PPAN: variants seen among roughly 807,000 people sequenced by gnomAD.
PPAN encodes the protein suppressor of SWI4 1 homolog.
In PPAN, 39 loss-of-function variants were observed where a neutral mutation model predicts 48.5. The ratio of observed to expected loss-of-function variants is 0.80; its 90% CI spans 0.62 to 1.05. The LOEUF is 1.05. Ranked by LOEUF, PPAN falls within the 50% of genes least tolerant of loss-of-function variation. PPAN has a pLI of 0.00. For missense variants in PPAN, 736 were observed against 661.7 expected (o/e 1.11, Z -1.23); for synonymous variants, 315 against 268.6 (o/e 1.17, Z -1.69).
In PPAN at chr19:10,111,751, G is replaced by C. The variant is rs745521820; in HGVS notation, c.*586G>C. ...CAGCCAACGTCTCGGGTAAGGAGAAGGCATGTTGGCTGTCTCTGGGGGTCT... is the reference window on the plus strand; with the variant it reads ...CAGCCAACGTCTCGGGTAAGGAGAACGCATGTTGGCTGTCTCTGGGGGTCT... On this transcript the variant is annotated 3_prime_UTR_variant, in exon 12 of 12. Transcript: ENST00000253107. 47 of 1,613,492 alleles carry C rather than the reference G, an allele frequency of 2.9e-5. No homozygotes were observed. The highest frequency in any genetic ancestry group is 3.7e-5 in the Non-Finnish European group (44 of 1,179,800).
Position 10,110,060 on chromosome 19 carries a change from G to T in PPAN, c.698+40G>T. ...GGGCGGGAGGCCACTGCGGCCCGGG[G>T]ACCCCAGAACAGGACCGGGAGCCTG... On this transcript the variant is annotated intron_variant, in intron 7 of 11. Transcript: ENST00000253107. This position sits in a 1 kb window ranked among gnomAD's most constrained non-coding sequence, Gnocchi z 5.9. The T allele has an allele frequency of 6.2e-7, 1 of 1,611,496 alleles. No individual in the cohort carries two copies.
chr19:10,108,607 C>T (rs1443802430), intron 5 of PPAN, among the ~76,000 whole-genome samples: 1 of 151,994 alleles, frequency 6.6e-6, no homozygotes, highest in East Asian at 1.9e-4. Context: ...TTTTAAAAAG[C>T]CCGGTGTGGC....
chr19:10,111,879 AG>A lies in PPAN; in HGVS notation c.*720del. ...GTAATCCCAGCACTTTGGGAGGTCG[AG>A]GGGGGTGGAACACGAGGTCAGGGGT... On this transcript the variant is annotated 3_prime_UTR_variant, in exon 12 of 12. Transcript: ENST00000253107. 5 of 966,804 alleles carry A rather than the reference AG, an allele frequency of 5.2e-6. No homozygotes were observed. Among genetic ancestry groups the A allele is most frequent in the Admixed American group, 2.1e-5 (1 of 48,528 alleles). The allele number at this position is 966,804 out of a possible 1,614,324, so 59.9% of individuals were successfully genotyped here.
In PPAN at chr19:10,111,469, T is replaced by C. The variant is rs991286852; in HGVS notation, c.*304T>C. 6.5e-6 allele frequency: 4 copies of C among 618,376 alleles called. No homozygotes were observed. Among genetic ancestry groups the C allele is most frequent in the South Asian group, 2.0e-5 (1 of 51,144 alleles). The allele number at this position is 618,376 out of a possible 1,614,324, so 38.3% of individuals were successfully genotyped here. On this transcript the variant is annotated 3_prime_UTR_variant, in exon 12 of 12. Transcript: ENST00000253107. ...CATTGGTGGCAGCAGCAGCCATGAGTGGCCCCTCCCCCCAGTCCCACCAAA... is the reference window on the plus strand; with the variant it reads ...CATTGGTGGCAGCAGCAGCCATGAGCGGCCCCTCCCCCCAGTCCCACCAAA...
chr19:10,111,227 C>A lies in PPAN; in HGVS notation c.*62C>A. ...CCCCAGATTGGGGCCCGAGATGTGG[C>A]CCTCGGTTTCCTTTCATAAAGGAGT... On this transcript the variant is annotated 3_prime_UTR_variant, in exon 12 of 12. Coordinates refer to ENST00000253107, the MANE Select transcript of PPAN (RefSeq NM_020230.7). 1 of 1,440,486 alleles carries A rather than the reference C, an allele frequency of 6.9e-7. No individual in the cohort carries two copies. The highest frequency in any genetic ancestry group is 1.4e-5 in the South Asian group (1 of 71,494). 89.2% of individuals were successfully genotyped at this position (1,440,486 alleles called of 1,614,324 possible).
intron 2 of PPAN, 125 bp downstream of exon 2, chr19:10,106,796 A>G (rs1199393157): frequency 1.2e-5 from 16 of 1,369,306 alleles, no homozygotes; most frequent in Non-Finnish European, 1.4e-5. Context: ...AAAGACCCTC[A>G]TGGGGAGCAT....
chr19:10,106,399 GAC>G lies in PPAN; in HGVS notation c.7_8del (p.Gln3ValfsTer63), dbSNP rs1460089789. ...CCTCGTGGAGGACACAGCAGCATGG[GAC>G]AGTCAGGGAGGGTAAGGCCCGGCAG... is the stretch of plus-strand genomic sequence containing the variant. On this transcript the variant is annotated frameshift_variant, in exon 1 of 12. Coordinates refer to ENST00000253107, the MANE Select transcript of PPAN (RefSeq NM_020230.7). LOFTEE classifies it high-confidence loss of function. 6.5e-7 allele frequency: 1 copy of G among 1,549,750 alleles called. No homozygotes were observed. The highest frequency in any genetic ancestry group is 8.7e-7 in the Non-Finnish European group (1 of 1,145,932).
In PPAN at chr19:10,111,054, C is replaced by T. The variant is rs2145210995; in HGVS notation, c.1311C>T (p.Pro437=). Residue 437 remains proline, a synonymous_variant, in exon 12 of 12, where the codon CCC becomes CCT. Transcript: ENST00000253107. ...GRGRLCDQKF[P]KTKDKSQGAQ... is the part of the protein sequence containing the mutation. ...GTCGCCTTTGTGACCAGAAGTTTCC[C>T]AAGACCAAGGACAAGTCCCAGGGAG... 4 of 1,613,632 alleles carry T rather than the reference C, an allele frequency of 2.5e-6. No homozygotes were observed. Among genetic ancestry groups the T allele is most frequent in the Non-Finnish European group, 3.4e-6 (4 of 1,179,942 alleles).
chr19:10,106,515 G>A lies in PPAN; in HGVS notation c.33G>A (p.Lys11=). Residue 11 remains lysine (K), a synonymous_variant, in exon 2 of 12, where the codon AAG becomes AAA. Coordinates refer to ENST00000253107, the MANE Select transcript of PPAN (RefSeq NM_020230.7). MGQSGRSRHQ[K]RARAQAQLRN... Reference sequence around the variant, plus strand: ...CGTCGCCGCAGTCCCGGCACCAGAAGCGCGCCCGCGCCCAGGCGCAGCTCC... The same window carrying A: ...CGTCGCCGCAGTCCCGGCACCAGAAACGCGCCCGCGCCCAGGCGCAGCTCC... 5.2e-6 allele frequency: 8 copies of A among 1,552,078 alleles called. No individual in the cohort carries two copies. The highest frequency in any genetic ancestry group is 1.2e-5 in the South Asian group (1 of 84,164).
intron 6 of PPAN, 71 bp downstream of exon 6, chr19:10,109,778 A>C: frequency 6.3e-7 from 1 of 1,588,340 alleles, no homozygotes. Context: ...TGATGACAGC[A>C]CTTCTGCTGA....
upstream of PPAN, chr19:10,106,276 ACC>A: frequency 6.7e-7 from 1 of 1,492,834 alleles, no homozygotes; most frequent in Non-Finnish European, 9.0e-7. Context: ...CCCAGAGGCC[ACC>A]TAGTGCGCAG....
rs753986549 is a variant in PPAN at position 10,106,377 on chromosome 19, C to T, written c.-18C>T. ...CGGAAGCGGCGGACGCAGGAGGCCTCGTGGAGGACACAGCAGCATGGGACA... is the reference window on the plus strand; with the variant it reads ...CGGAAGCGGCGGACGCAGGAGGCCTTGTGGAGGACACAGCAGCATGGGACA... On this transcript the variant is annotated 5_prime_UTR_variant, in exon 1 of 12. Transcript: ENST00000253107. 3.9e-6 allele frequency: 6 copies of T among 1,549,332 alleles called. No homozygotes were observed. Among genetic ancestry groups the T allele is most frequent in the Non-Finnish European group, 5.2e-6 (6 of 1,145,916 alleles).
intron 2 of PPAN, 179 bp downstream of exon 2, chr19:10,106,850 C>T (rs1156559233): frequency 2.0e-6 from 2 of 1,013,104 alleles, no homozygotes; most frequent in Middle Eastern, 3.3e-4. Flanking sequence ...AGTGAGGGCG[C>T]GCAGCTTGGG....
Position 10,111,034 on chromosome 19 carries a change from C to G in PPAN, c.1291C>G (p.Leu431Val). The change falls in exon 12 of 12, where the codon CTT becomes GTT. Residue 431 changes from leucine (L) to valine (V), a missense_variant. Leu to Val is a conservative substitution (Grantham distance 32, BLOSUM62 1). Coordinates refer to ENST00000253107, the MANE Select transcript of PPAN (RefSeq NM_020230.7). ...GGAAATGGATCGAGGCAGGGGTCGC[C>G]TTTGTGACCAGAAGTTTCCCAAGAC... ...RWEMDRGRGRLCDQKFPKTKD... is the reference protein window; with the variant it reads ...RWEMDRGRGRVCDQKFPKTKD... The G allele has an allele frequency of 1.2e-6, 2 of 1,613,724 alleles. No homozygotes were observed. The highest frequency in any genetic ancestry group is 1.7e-6 in the Non-Finnish European group (2 of 1,179,974).
chr19:10,106,418 G>A lies in PPAN; in HGVS notation c.18+6G>A. The A allele has an allele frequency of 6.5e-7, 1 of 1,548,840 alleles. No individual in the cohort carries two copies. The highest frequency in any genetic ancestry group is 8.7e-7 in the Non-Finnish European group (1 of 1,145,200). Reference sequence around the variant, plus strand: ...GCATGGGACAGTCAGGGAGGGTAAGGCCCGGCAGCTTGGGAGGCAGGTGGC... The same window carrying A: ...GCATGGGACAGTCAGGGAGGGTAAGACCCGGCAGCTTGGGAGGCAGGTGGC... On this transcript the variant is annotated splice_donor_region_variant and intron_variant, in intron 1 of 11. Transcript: ENST00000253107.
Position 10,110,058 on chromosome 19 carries a change from G to A in PPAN, c.698+38G>A. 6.2e-7 allele frequency: 1 copy of A among 1,611,588 alleles called. No individual in the cohort carries two copies. The highest frequency in any genetic ancestry group is 8.5e-7 in the Non-Finnish European group (1 of 1,178,634). ...TAGGGCGGGAGGCCACTGCGGCCCGGGGACCCCAGAACAGGACCGGGAGCC... is the reference window on the plus strand; with the variant it reads ...TAGGGCGGGAGGCCACTGCGGCCCGAGGACCCCAGAACAGGACCGGGAGCC... On this transcript the variant is annotated intron_variant, in intron 7 of 11. Transcript: ENST00000253107. The surrounding 1 kb of genome is among the most constrained non-coding windows in gnomAD (Gnocchi z 5.9).
intron 2 of PPAN, chr19:10,107,031 A>G (rs2088855083): frequency 3.6e-6 from 2 of 556,086 alleles, no homozygotes; most frequent in Admixed American, 2.2e-5. Context: ...TACAAAAAAT[A>G]GAAAAATTAG....
In PPAN at chr19:10,111,875, G is replaced by T. The variant is rs956899188; in HGVS notation, c.*710G>T. The T allele has an allele frequency of 9.1e-6, 9 of 983,874 alleles. No homozygotes were observed. Among genetic ancestry groups the T allele is most frequent in the African/African-American group, 3.2e-5 (2 of 62,546 alleles). 60.9% of individuals were successfully genotyped at this position (983,874 alleles called of 1,614,324 possible). A position where few individuals can be genotyped will look rare whatever the true frequency, so the allele number is the denominator to read the frequency against. On this transcript the variant is annotated 3_prime_UTR_variant, in exon 12 of 12. Transcript: ENST00000253107. ...GCCTGTAATCCCAGCACTTTGGGAG[G>T]TCGAGGGGGGTGGAACACGAGGTCA... is the stretch of plus-strand genomic sequence containing the variant.
chr19:10,111,352 G>C lies in PPAN; in HGVS notation c.*187G>C, dbSNP rs977486763. ...TTCTGGAGCCATACAAAGCAACCCA[G>C]AGAGTCCTGGGCCGGCCACACCCGA... On this transcript the variant is annotated 3_prime_UTR_variant, in exon 12 of 12. Coordinates refer to ENST00000253107, the MANE Select transcript of PPAN (RefSeq NM_020230.7). 2.5e-5 allele frequency: 20 copies of C among 786,340 alleles called. No homozygotes were observed. The East Asian group carries it at 4.6e-4, about 18-fold the overall frequency. 48.7% of individuals were successfully genotyped at this position (786,340 alleles called of 1,614,324 possible).
Sources: allele counts gnomAD v4.1 joint callset (sites outside exome capture counted in the v4.1 genomes callset), GRCh38; gene constraint gnomAD v4.1.1; non-coding constraint Gnocchi (gnomAD v3.1); transcripts MANE v1.5; gene names NCBI Gene and HGNC (gene_info 2026-07-23, HGNC 2026-07-21).